The following AGMO variants were observed in gnomAD, a reference collection of about 807,000 sequenced individuals.
The protein encoded by AGMO is alkylglycerol monooxygenase.
AGMO carries 75 observed loss-of-function variants against 60.2 expected under a neutral mutation model. That is an observed-to-expected ratio of 1.25 (90% CI 1.03 to 1.51). AGMO has a LOEUF of 1.51. AGMO is among the 40% of genes most tolerant of loss of function. AGMO has a pLI of 0.00. For synonymous variants in AGMO, 261 were observed against 177.1 expected (o/e 1.47, Z -3.76); for missense variants, 763 against 525.5 (o/e 1.45, Z -4.42).
At chr7:15,510,554 TATATGTC>T (rs1783644280) in intron 3 of AGMO, among the ~76,000 whole-genome samples, 1 of 149,102 alleles carries the variant, frequency 6.7e-6, no homozygotes, top group African/African-American at 2.5e-5. Flanking sequence ...ATATCATATA[TATATGTC>T]ATATATGTGA....
chr7:15,179,690 G>T, the AGMO span, among the ~76,000 whole-genome samples: 4 of 152,120 alleles, frequency 2.6e-5, no homozygotes. Flanking sequence ...TCTAGGCACT[G>T]CCCTAGTGGA....
intron 4 of AGMO, among the ~76,000 whole-genome samples, chr7:15,424,686 C>T (rs568075745): frequency 5.3e-5 from 8 of 152,190 alleles, no homozygotes; most frequent in African/African-American, 1.9e-4. Context: ...TGGACATAAA[C>T]TTTGTCTTAT....
intron 3 of AGMO, among the ~76,000 whole-genome samples, chr7:15,544,417 T>A (rs1784717108): frequency 6.6e-6 from 1 of 152,146 alleles, no homozygotes; most frequent in Admixed American, 6.5e-5. Flanking sequence ...AACAGCCAAA[T>A]GTTAGGACCT....
At chr7:15,332,070 G>A (rs1267673762) in intron 12 of AGMO, among the ~76,000 whole-genome samples, 1 of 152,098 alleles carries the variant, frequency 6.6e-6, no homozygotes, top group Admixed American at 6.6e-5. Context: ...ATCATAAGAT[G>A]GAAGGAGCCT....
chr7:15,170,236 G>C, the AGMO span, among the ~76,000 whole-genome samples: 1 of 152,230 alleles, frequency 6.6e-6, no homozygotes, highest in African/African-American at 2.4e-5. Flanking sequence ...ACTTTTGCAT[G>C]AGAGTATCGA....
At chr7:15,451,831 G>A (rs1183143082) in intron 3 of AGMO, among the ~76,000 whole-genome samples, 2 of 152,136 alleles carry the variant, frequency 1.3e-5, no homozygotes, top group Non-Finnish European at 2.9e-5. Flanking sequence ...AAAGGGAAAT[G>A]ACGTACAGAA....
At chr7:15,394,211 T>C in intron 5 of AGMO, 32 bp from the exon 6 acceptor site, 9 of 1,413,238 alleles carry the variant, frequency 6.4e-6, no homozygotes, top group Non-Finnish European at 8.0e-6. Context: ...TTTATACATG[T>C]AGTTATCATT....
chr7:15,385,674 CAA>C (rs1199522530), intron 9 of AGMO, 112 bp from the exon 10 acceptor site: 2 of 696,634 alleles, frequency 2.9e-6, no homozygotes, highest in Non-Finnish European at 5.0e-6. Context: ...TAAAAAAAGA[CAA>C]ACATAATTTT....
At chr7:15,388,973 T>C (rs947584920) in intron 8 of AGMO, among the ~76,000 whole-genome samples, 7 of 152,216 alleles carry the variant, frequency 4.6e-5, no homozygotes, top group Admixed American at 2.6e-4. Context: ...TGTTCCTAAA[T>C]ACCTGTGATT....
intron 10 of AGMO, among the ~76,000 whole-genome samples, chr7:15,383,100 C>A (rs1019077882): frequency 1.3e-5 from 2 of 151,902 alleles, no homozygotes; most frequent in African/African-American, 4.8e-5. Flanking sequence ...TCTAGGACCA[C>A]ATACATAGAT....
At chr7:15,391,170 GAATA>G (rs1784121216) in intron 6 of AGMO, among the ~76,000 whole-genome samples, 1 of 151,440 alleles carries the variant, frequency 6.6e-6, no homozygotes, top group African/African-American at 2.4e-5. Context: ...TATAAAAATG[GAATA>G]AATGTAAATA....
At chr7:15,272,398 G>GGATA (rs935073318) in intron 12 of AGMO, among the ~76,000 whole-genome samples, 2 of 150,418 alleles carry the variant, frequency 1.3e-5, no homozygotes, top group African/African-American at 4.9e-5. Flanking sequence ...TTTGTTCTTG[G>GGATA]GATAGTTTCC....
At chr7:15,144,839 G>A in the AGMO span, among the ~76,000 whole-genome samples, 4 of 152,152 alleles carry the variant, frequency 2.6e-5, no homozygotes, top group Non-Finnish European at 4.4e-5. Context: ...TGTTTTTGTT[G>A]TTGTTGTTGA....
At chr7:15,323,784 A>G (rs1781254543) in intron 12 of AGMO, among the ~76,000 whole-genome samples, 1 of 152,158 alleles carries the variant, frequency 6.6e-6, no homozygotes, top group African/African-American at 2.4e-5. Flanking sequence ...ATTGTGCTAG[A>G]TGATTTCATG....
chr7:15,560,230 A>T lies in AGMO; in HGVS notation c.168T>A (p.Val56=). The T allele has an allele frequency of 6.2e-7, 1 of 1,613,044 alleles. No homozygotes were observed. Among genetic ancestry groups the T allele is most frequent in the Non-Finnish European group, 8.5e-7 (1 of 1,179,272 alleles). ...GCTTTCCTTTGAGAATCCAGCTGACAACAAGTTCAAGCAGCATCAAAGAAA... is the reference window on the plus strand; with the variant it reads ...GCTTTCCTTTGAGAATCCAGCTGACTACAAGTTCAAGCAGCATCAAAGAAA... The part of the protein sequence containing the change: ...FFISLMLLEL[V]VSWILKGKPP... Residue 56 remains valine, a synonymous_variant, in exon 2 of 13, where the codon GTT becomes GTA. Coordinates refer to ENST00000342526, the MANE Select transcript of AGMO (RefSeq NM_001004320.2).
At chr7:15,283,828 C>A (rs965730439) in intron 12 of AGMO, among the ~76,000 whole-genome samples, 1 of 151,462 alleles carries the variant, frequency 6.6e-6, no homozygotes, top group South Asian at 2.1e-4. Flanking sequence ...ATATGATAGG[C>A]CACAAAACAA....
Position 15,233,557 on chromosome 7 carries a change from T to C in AGMO, c.1264-32198A>G, listed in dbSNP as rs115873893. 6.0e-3 allele frequency among the ~76,000 whole-genome samples: 910 copies of C among 151,792 alleles called. 13 individuals carry two copies. The highest frequency in any genetic ancestry group is 0.021 in the African/African-American group (868 of 41,246). ...TAATGGTTACAGAGAGTTGTTTTTT[T>C]TTTTCCCCCCTTTGGATGATGGAAA... On this transcript the variant is annotated intron_variant, in intron 12 of 12. Coordinates refer to ENST00000342526, the MANE Select transcript of AGMO (RefSeq NM_001004320.2).
chr7:15,305,461 G>A (rs1019621805), intron 12 of AGMO, among the ~76,000 whole-genome samples: 1 of 151,940 alleles, frequency 6.6e-6, no homozygotes, highest in Admixed American at 6.6e-5. Context: ...TCAACATGTT[G>A]CATCAATTTC....
chr7:15,387,598 C>T (rs933513614), intron 8 of AGMO, 58 bp from the exon 9 acceptor site: 7 of 1,450,604 alleles, frequency 4.8e-6, no homozygotes, highest in Admixed American at 2.1e-5. Flanking sequence ...AGATTAAATA[C>T]CAAAAGTTAT....
Sources: allele counts gnomAD v4.1 joint callset (sites outside exome capture counted in the v4.1 genomes callset), GRCh38; gene constraint gnomAD v4.1.1; transcripts MANE v1.5; gene names NCBI Gene and HGNC (gene_info 2026-07-23, HGNC 2026-07-21).